FRMD4B: variants seen among roughly 807,000 people sequenced by gnomAD.
FRMD4B encodes FERM domain containing 4B.
In FRMD4B, 74 loss-of-function variants were observed where a neutral mutation model predicts 141.5. That is an observed-to-expected ratio of 0.52 (90% CI 0.43 to 0.63). The LOEUF is 0.63. FRMD4B is among the 30% of genes least tolerant of loss of function. The pLI, the probability that FRMD4B is intolerant of heterozygous loss-of-function variation, is 0.00. For missense variants in FRMD4B, 1,366 were observed against 1,253.4 expected (o/e 1.09, Z -1.36); for synonymous variants, 506 against 467.9 (o/e 1.08, Z -1.05).
Position 69,194,585 on chromosome 3 carries a change from G to C in FRMD4B, c.1488+437C>G, listed in dbSNP as rs147725627. On this transcript the variant is annotated intron_variant, in intron 16 of 22. Coordinates refer to ENST00000398540, the MANE Select transcript of FRMD4B (RefSeq NM_015123.3). Reference sequence around the variant, plus strand: ...TAACTTGATTGTAGCTCAGTGCTGTGCATGTATTATCTCATTTAATACTCA... The same window carrying C: ...TAACTTGATTGTAGCTCAGTGCTGTCCATGTATTATCTCATTTAATACTCA... Among the ~76,000 whole-genome samples, 487 of 152,306 alleles carry C rather than the reference G, an allele frequency of 3.2e-3. 3 individuals are homozygous for C. Among genetic ancestry groups the C allele is most frequent in the African/African-American group, 0.011 (452 of 41,564 alleles).
intron 1 of FRMD4B, among the ~76,000 whole-genome samples, chr3:69,486,298 G>A (rs1240532839): frequency 1.3e-5 from 2 of 152,168 alleles, no homozygotes; most frequent in Non-Finnish European, 2.9e-5. Flanking sequence ...AGTGATCTGT[G>A]AGATTTTGGT....
At chr3:69,185,683 C>T (rs1054759261) in intron 19 of FRMD4B, among the ~76,000 whole-genome samples, 3 of 152,028 alleles carry the variant, frequency 2.0e-5, no homozygotes, top group African/African-American at 7.2e-5. Flanking sequence ...TCAGGGTTGT[C>T]GTGAAGATTA....
At chr3:69,245,808 C>T (rs943534838) in intron 7 of FRMD4B, among the ~76,000 whole-genome samples, 4 of 145,414 alleles carry the variant, frequency 2.8e-5, no homozygotes, top group African/African-American at 7.6e-5. Flanking sequence ...GGACTACAGG[C>T]GTCTGCGAAC....
chr3:69,205,059 CAAAAA>C (rs33955997), intron 11 of FRMD4B, among the ~76,000 whole-genome samples: 1 of 124,464 alleles, frequency 8.0e-6, no homozygotes, highest in African/African-American at 3.2e-5. Flanking sequence ...ATGTTTTTAA[CAAAAA>C]AAAAAAAAAA....
At chr3:69,273,971 A>G (rs903343484) in intron 5 of FRMD4B, among the ~76,000 whole-genome samples, 4 of 152,226 alleles carry the variant, frequency 2.6e-5, no homozygotes, top group African/African-American at 9.6e-5. Flanking sequence ...GCTGAATTCA[A>G]AAGGATGAGT....
intron 5 of FRMD4B, among the ~76,000 whole-genome samples, chr3:69,254,198 G>A (rs950533910): frequency 3.3e-5 from 5 of 151,974 alleles, no homozygotes; most frequent in South Asian, 2.1e-4. Flanking sequence ...TCCGCCTCCC[G>A]AGTTCAAGCG....
At chr3:69,243,772 ACGGTGGCT>A (rs764946354) in intron 7 of FRMD4B, among the ~76,000 whole-genome samples, 2 of 152,238 alleles carry the variant, frequency 1.3e-5, no homozygotes, top group Non-Finnish European at 1.5e-5. Flanking sequence ...TAGGCCAGGT[ACGGTGGCT>A]CACGCTTGTA....
At chr3:69,245,452 T>C (rs576347817) in intron 7 of FRMD4B, among the ~76,000 whole-genome samples, 1 of 152,048 alleles carries the variant, frequency 6.6e-6, no homozygotes, top group South Asian at 2.1e-4. Flanking sequence ...GTTCAAGCGA[T>C]TCTTGTGTCT....
rs59416296 is a variant in FRMD4B, at chr3:69,520,422, G to GATAT, written c.-129+21780_-129+21783dup. ...TGGAATATATATATATTTTTTCTGT[G>GATAT]ATATATATATATATCACAGAAAAGA... On this transcript the variant is annotated intron_variant, in intron 1 of 5. Coordinates refer to the FRMD4B transcript ENST00000459638. Among the ~76,000 whole-genome samples the GATAT allele has an allele frequency of 3.6e-3, 485 of 134,708 alleles. 11 individuals are homozygous for GATAT. The highest frequency in any genetic ancestry group is 0.013 in the African/African-American group (439 of 33,322). 88.4% of individuals were successfully genotyped at this position (134,708 alleles called of 152,430 possible).
chr3:69,534,272 C>T (rs1347710875), intron 1 of FRMD4B, among the ~76,000 whole-genome samples: 1 of 152,196 alleles, frequency 6.6e-6, no homozygotes, highest in Non-Finnish European at 1.5e-5. Flanking sequence ...CAGCCTCATC[C>T]TAAGCAATAC....
At chr3:69,212,359 C>CAAAAA (rs869309749) in intron 11 of FRMD4B, among the ~76,000 whole-genome samples, 755 of 25,198 alleles carry the variant, frequency 0.03, 42 homozygotes, top group Non-Finnish European at 0.033. Context: ...AACCCCGTCT[C>CAAAAA]AAAAAAAAAA....
intron 4 of FRMD4B, among the ~76,000 whole-genome samples, chr3:69,296,373 AAT>A (rs749622504): frequency 0.13 from 19,724 of 151,968 alleles, 2,012 homozygotes; most frequent in African/African-American, 0.29. Flanking sequence ...GTAAGAAACT[AAT>A]ATCATGATCG....
At chr3:69,486,878 C>A (rs1706224215) in intron 1 of FRMD4B, among the ~76,000 whole-genome samples, 1 of 152,162 alleles carries the variant, frequency 6.6e-6, no homozygotes, top group Non-Finnish European at 1.5e-5. Context: ...TGAAGATATG[C>A]AACTCTCCAG....
chr3:69,215,284 C>CTTTTTTTTATTTTTTTTTTTTTTTTT (rs2093129020), intron 11 of FRMD4B, among the ~76,000 whole-genome samples: 1 of 45,208 alleles, frequency 2.2e-5, no homozygotes, highest in Admixed American at 4.4e-4. Context: ...TTGTGACCCT[C>CTTTTTTTTATTTTTTTTTTTTTTTTT]TTTTTTTTTT....
intron 1 of FRMD4B, among the ~76,000 whole-genome samples, chr3:69,434,415 C>T (rs1280139161): frequency 6.6e-6 from 1 of 152,146 alleles, no homozygotes; most frequent in African/African-American, 2.4e-5. Flanking sequence ...AAATAGATAC[C>T]TTGTCTGAGG....
chr3:69,303,803 G>A (rs1701297068), intron 3 of FRMD4B, among the ~76,000 whole-genome samples: 1 of 152,074 alleles, frequency 6.6e-6, no homozygotes, highest in East Asian at 1.9e-4. Context: ...GTGTGGTGGT[G>A]CATGCCTGTT....
At chr3:69,288,394 T>C (rs1020821752) in intron 4 of FRMD4B, among the ~76,000 whole-genome samples, 2 of 152,248 alleles carry the variant, frequency 1.3e-5, no homozygotes, top group Admixed American at 6.5e-5. Context: ...GGGTTTTCCT[T>C]TGGCTCAAAG....
Position 69,228,442 on chromosome 3 carries a change from G to A in FRMD4B, c.582-3752C>T, listed in dbSNP as rs1457874176. 16 of 456,698 alleles carry A rather than the reference G, an allele frequency of 3.5e-5. No homozygotes were observed. The Admixed American group carries it at 3.8e-4, about 11-fold the overall frequency. The allele number at this position is 456,698 out of a possible 1,614,324, so 28.3% of individuals were successfully genotyped here. A position where few individuals can be genotyped will look rare whatever the true frequency, so the allele number is the denominator to read the frequency against. On this transcript the variant is annotated intron_variant, in intron 7 of 22. Coordinates refer to ENST00000398540, the MANE Select transcript of FRMD4B (RefSeq NM_015123.3). ...ATCAGACCTGGGGACACTGAGATAT[G>A]GTGTGAACTCTGAAGAGAGGAGAAC... is the stretch of plus-strand genomic sequence containing the variant.
At chr3:69,377,913 C>A (rs1704015437) in intron 1 of FRMD4B, among the ~76,000 whole-genome samples, 1 of 151,872 alleles carries the variant, frequency 6.6e-6, no homozygotes, top group Admixed American at 6.6e-5. Context: ...CGGGTTTAAG[C>A]CATTCTCCTG....
Sources: allele counts gnomAD v4.1 joint callset (sites outside exome capture counted in the v4.1 genomes callset), GRCh38; gene constraint gnomAD v4.1.1; transcripts MANE v1.5; gene names NCBI Gene and HGNC (gene_info 2026-07-23, HGNC 2026-07-21).